The following SCN3A variants were observed in gnomAD, a reference collection of about 807,000 sequenced individuals.
The protein encoded by SCN3A is sodium voltage-gated channel alpha subunit 3.
A neutral mutation model predicts 187.6 loss-of-function variants in SCN3A; 60 were observed. The observed-to-expected ratio is 0.32, with a 90% confidence interval of 0.26 to 0.40. SCN3A has a LOEUF of 0.40. SCN3A is among the 10% of genes least tolerant of loss of function. The pLI is 1.00. For missense variants in SCN3A, 1,601 were observed against 2,428.2 expected (o/e 0.66, Z 7.16); for synonymous variants, 788 against 829.2 (o/e 0.95, Z 0.85).
At chr2:165,195,818 G>T (rs999540714) in intron 1 of SCN3A, among the ~76,000 whole-genome samples, 1 of 152,044 alleles carries the variant, frequency 6.6e-6, no homozygotes, top group African/African-American at 2.4e-5. Context: ...TGTTTTCATG[G>T]TGTATCTTAA....
chr2:165,102,633 G>A (rs1350711819), intron 21 of SCN3A, among the ~76,000 whole-genome samples: 1 of 152,190 alleles, frequency 6.6e-6, no homozygotes, highest in African/African-American at 2.4e-5. Context: ...ACCCTACATG[G>A]CATGGAATTG....
At chr2:165,172,711 C>A (rs187091866) in intron 3 of SCN3A, among the ~76,000 whole-genome samples, 37 of 152,262 alleles carry the variant, frequency 2.4e-4, no homozygotes, top group African/African-American at 8.7e-4. Flanking sequence ...TCCCTTTGAA[C>A]ATGGAACCCT....
chr2:165,112,195 T>G (rs766533818), intron 21 of SCN3A, among the ~76,000 whole-genome samples: 12 of 152,092 alleles, frequency 7.9e-5, no homozygotes, highest in Non-Finnish European at 1.5e-4. Context: ...TCCCAGTGCC[T>G]CTCCGTCACT....
At position 165,103,195 on chromosome 2, in the gene SCN3A, A is replaced by G. The variant is rs185120598; in HGVS notation, c.3844-2771T>C. Among the ~76,000 whole-genome samples, 832 of 152,314 alleles carry G rather than the reference A, an allele frequency of 5.5e-3. 3 individuals are homozygous for G. The highest frequency in any genetic ancestry group is 8.8e-3 in the Non-Finnish European group (599 of 68,012). ...AGATAGCTCCTTGCAAGAATTTTAA[A>G]GATTTGCAACATACATAAAGTTTGA... On this transcript the variant is annotated intron_variant, in intron 21 of 27. Transcript: ENST00000283254.
chr2:165,101,258 C>T (rs570889670), intron 21 of SCN3A, among the ~76,000 whole-genome samples: 22 of 152,300 alleles, frequency 1.4e-4, no homozygotes, highest in African/African-American at 4.8e-4. Flanking sequence ...TAAGACTTAA[C>T]TTGTATTTAT....
intron 21 of SCN3A, among the ~76,000 whole-genome samples, chr2:165,109,427 T>C (rs980409878): frequency 6.6e-6 from 1 of 152,172 alleles, no homozygotes; most frequent in East Asian, 1.9e-4. Flanking sequence ...TGAATATATA[T>C]CAAATGAATA....
chr2:165,187,799 A>G (rs1244497270), intron 1 of SCN3A, among the ~76,000 whole-genome samples: 1 of 152,208 alleles, frequency 6.6e-6, no homozygotes, highest in Admixed American at 6.5e-5. Context: ...AGTGGTAACA[A>G]TAACACAAAT....
At chr2:165,197,304 G>C (rs1310443617) in intron 1 of SCN3A, among the ~76,000 whole-genome samples, 1 of 152,042 alleles carries the variant, frequency 6.6e-6, no homozygotes, top group Non-Finnish European at 1.5e-5. Flanking sequence ...ATTGGCTTCT[G>C]TTATTTTTCT....
At chr2:165,200,817 G>C (rs1457480120) in intron 1 of SCN3A, among the ~76,000 whole-genome samples, 3 of 152,078 alleles carry the variant, frequency 2.0e-5, no homozygotes, top group Non-Finnish European at 4.4e-5. Flanking sequence ...CAGCTGTCAG[G>C]AGCACGAAGC....
chr2:165,134,559 A>C (rs901316690), intron 15 of SCN3A, among the ~76,000 whole-genome samples: 1 of 152,186 alleles, frequency 6.6e-6, no homozygotes, highest in Non-Finnish European at 1.5e-5. Flanking sequence ...GTAGTCATCC[A>C]TTCACTCAAA....
chr2:165,162,261 T>TA (rs1480990422), intron 9 of SCN3A, 47 bp downstream of exon 9: 1 of 1,548,126 alleles, frequency 6.5e-7, no homozygotes, highest in African/African-American at 1.4e-5. Context: ...CTACTTTTTT[T>TA]TTTCGCAAAG....
At chr2:165,101,809 T>C (rs1297186392) in intron 21 of SCN3A, among the ~76,000 whole-genome samples, 1 of 152,202 alleles carries the variant, frequency 6.6e-6, no homozygotes, top group African/African-American at 2.4e-5. Flanking sequence ...GAACACAGGA[T>C]ATAAAGAGTG....
In SCN3A at chr2:165,162,682, G is replaced by A. The variant is rs1395920577; in HGVS notation, c.841C>T (p.Pro281Ser). 6.2e-7 allele frequency: 1 copy of A among 1,614,150 alleles called. No homozygotes were observed. The highest frequency in any genetic ancestry group is 1.1e-5 in the South Asian group (1 of 91,084). The change falls in exon 8 of 28, where the codon CCC becomes TCC. Residue 281 changes from proline (P) to serine (S), a missense_variant. By Grantham distance (74) the Pro-to-Ser change is moderately conservative (BLOSUM62 -1). This residue lies in a region of SCN3A where 104 missense variants were observed against 102.7 expected (regional missense o/e 1.01). Transcript: ENST00000283254. ...GNLRNKCLQW[P>S]PSDSAFETNT... The stretch of plus-strand genomic sequence containing the variant: ...GTTTCAAAAGCAGAATCGCTTGGGG[G>A]CCACTGCAAACATTTATTCCTCAGA...
At chr2:165,141,892 TTACAGC>T (rs1210313603) in intron 12 of SCN3A, among the ~76,000 whole-genome samples, 2 of 152,246 alleles carry the variant, frequency 1.3e-5, no homozygotes, top group Non-Finnish European at 2.9e-5. Flanking sequence ...ACCTTTTTCA[TTACAGC>T]TATTCCCAGA....
At chr2:165,194,845 C>A (rs1336595822) in intron 1 of SCN3A, 2 of 151,910 alleles carry the variant, frequency 1.3e-5, no homozygotes, top group African/African-American at 4.8e-5. Context: ...AAAAAAAAGT[C>A]TTTCCTGGGA....
Position 165,090,534 on chromosome 2 carries a change from C to T in SCN3A, c.5619G>A (p.Gln1873=). 6.2e-7 allele frequency: 1 copy of T among 1,613,980 alleles called. No homozygotes were observed. The highest frequency in any genetic ancestry group is 1.3e-5 in the African/African-American group (1 of 75,014). Reference sequence around the variant, plus strand: ...TTGATGCCATAAACCTGTCTTCCATCTGTATTCGAAGGGCATCCATCTCTC... The same window carrying T: ...TTGATGCCATAAACCTGTCTTCCATTTGTATTCGAAGGGCATCCATCTCTC... ...ESGEMDALRI[Q]MEDRFMASNP... The change falls in exon 28 of 28, where the codon CAG becomes CAA. Residue 1873 remains glutamine, a synonymous_variant. Transcript: ENST00000283254. The surrounding 1 kb of genome is among the most constrained non-coding windows in gnomAD (Gnocchi z 4.0).
intron 21 of SCN3A, among the ~76,000 whole-genome samples, chr2:165,103,718 GT>G (rs1455342776): frequency 6.6e-6 from 1 of 152,148 alleles, no homozygotes; most frequent in Non-Finnish European, 1.5e-5. Flanking sequence ...CCTGTGATTG[GT>G]TAAGGAACCA....
At chr2:165,126,714 A>T (rs994163140) in intron 18 of SCN3A, among the ~76,000 whole-genome samples, 1 of 151,518 alleles carries the variant, frequency 6.6e-6, no homozygotes, top group Non-Finnish European at 1.5e-5. Context: ...CAACAGTAAG[A>T]GTAGGTTTAT....
chr2:165,184,777 A>T (rs1330985983), intron 2 of SCN3A, among the ~76,000 whole-genome samples: 1 of 152,190 alleles, frequency 6.6e-6, no homozygotes, highest in Non-Finnish European at 1.5e-5. Flanking sequence ...TTATTTGATG[A>T]TAAATTAAAA....
Sources: allele counts gnomAD v4.1 joint callset (sites outside exome capture counted in the v4.1 genomes callset), GRCh38; gene constraint gnomAD v4.1.1; regional missense constraint gnomAD v4.1.1; non-coding constraint Gnocchi (gnomAD v3.1); transcripts MANE v1.5; gene names NCBI Gene and HGNC (gene_info 2026-07-23, HGNC 2026-07-21).